The following CSMD3 variants were observed in gnomAD, a reference collection of about 807,000 sequenced individuals.
The protein encoded by CSMD3 is CUB and sushi domain-containing protein 3.
A neutral mutation model predicts 435.2 loss-of-function variants in CSMD3; 177 were observed. The observed-to-expected ratio is 0.41, with a 90% CI of 0.36 to 0.46. The LOEUF (loss-of-function observed/expected upper bound fraction) is 0.46, where lower values mean the gene tolerates loss of function less well. Among genes scored for constraint, CSMD3 ranks in the 20% least tolerant of loss-of-function variants. The probability of loss-of-function intolerance (pLI) is 0.34; values close to 1 mark genes in which losing one functional copy is unlikely to be tolerated. For missense variants in CSMD3, 4,265 were observed against 4,504.6 expected, an observed-to-expected ratio of 0.95 and a Z score of 1.52; for synonymous variants, 1,656 against 1,520.5, an observed-to-expected ratio of 1.09 and a Z score of -2.07.
At chr8:112,557,079 C>G (rs1321916633) in intron 24 of CSMD3, 125 bp from the exon 25 acceptor site, 1 of 645,006 alleles carries the variant, frequency 1.6e-6, no homozygotes, top group African/African-American at 1.8e-5. Context: ...ATTGCCCTTA[C>G]CATATTTAAT....
chr8:113,281,583 ATAGT>A (rs764097429), intron 2 of CSMD3, among the ~76,000 whole-genome samples: 3 of 151,900 alleles, frequency 2.0e-5, no homozygotes, highest in Admixed American at 6.6e-5. Flanking sequence ...AAGGCAGCAG[ATAGT>A]TGGTTGGTGA....
At chr8:112,831,482 G>C (rs1371627358) in intron 11 of CSMD3, among the ~76,000 whole-genome samples, 1 of 149,330 alleles carries the variant, frequency 6.7e-6, no homozygotes, top group Non-Finnish European at 1.5e-5. Flanking sequence ...TTCCAAAATT[G>C]TTTTACCAAT....
At chr8:113,302,284 T>A (rs1228955244) in intron 2 of CSMD3, among the ~76,000 whole-genome samples, 3 of 9,244 alleles carry the variant, frequency 3.2e-4, no homozygotes, top group African/African-American at 9.7e-4. Flanking sequence ...ATAATTATAA[T>A]ATATAATATA....
At chr8:113,222,795 T>C (rs868389568) in intron 3 of CSMD3, among the ~76,000 whole-genome samples, 1 of 151,100 alleles carries the variant, frequency 6.6e-6, no homozygotes, top group South Asian at 2.1e-4. Context: ...TTTATAATGA[T>C]TCCCATGGCT....
In CSMD3 at chr8:112,689,928, C is replaced by G. The variant is rs1318264863; in HGVS notation, c.2095G>C (p.Glu699Gln). The G allele has an allele frequency of 6.2e-7, 1 of 1,613,248 alleles. No homozygotes were observed. Among genetic ancestry groups the G allele is most frequent in the Non-Finnish European group, 8.5e-7 (1 of 1,179,520 alleles). Residue 699 changes from glutamate to glutamine, a missense_variant, in exon 14 of 71, where the codon GAG becomes CAG. Physicochemically the swap from Glu to Gln is conservative, Grantham distance 29 (BLOSUM62 2). Around this residue, in one of 3 missense-constraint regions of CSMD3, gnomAD observed 279 missense variants for 369.0 expected, o/e 0.76. Transcript: ENST00000297405. Reference sequence around the variant, plus strand: ...TTCTCTTGACAAACAATGGATTTCTCTCCAATTAATTCAAACCCAAACTGG... The same window carrying G: ...TTCTCTTGACAAACAATGGATTTCTGTCCAATTAATTCAAACCCAAACTGG... The part of the protein sequence containing the change: ...ECQFGFELIG[E>Q]KSIVCQENNQ...
chr8:112,239,863 T>C (rs1252682345), intron 66 of CSMD3, among the ~76,000 whole-genome samples: 3 of 152,068 alleles, frequency 2.0e-5, no homozygotes, highest in Admixed American at 6.6e-5. Flanking sequence ...TTCTACTGTT[T>C]TGGGCGGTTG....
At chr8:112,529,762 A>G (rs1825341798) in intron 27 of CSMD3, among the ~76,000 whole-genome samples, 1 of 152,186 alleles carries the variant, frequency 6.6e-6, no homozygotes, top group South Asian at 2.1e-4. Flanking sequence ...ACATATGCCA[A>G]TGCAGAGCAT....
rs2076094652 is a variant in CSMD3 at position 112,689,924 on chromosome 8, T to G, written c.2099A>C (p.Lys700Thr). 3 of 1,613,212 alleles carry G rather than the reference T, an allele frequency of 1.9e-6. No homozygotes were observed. The highest frequency in any genetic ancestry group is 1.7e-6 in the Non-Finnish European group (2 of 1,179,486). Residue 700 changes from lysine to threonine, a missense_variant, in exon 14 of 71, where the codon AAA becomes ACA. By Grantham distance (78) the Lys-to-Thr change is moderately conservative. Around this residue, in one of 3 missense-constraint regions of CSMD3, gnomAD observed 279 missense variants for 369.0 expected, o/e 0.76. Coordinates refer to ENST00000297405, the MANE Select transcript of CSMD3 (RefSeq NM_198123.2). The stretch of plus-strand genomic sequence containing the variant: ...GTTATTCTCTTGACAAACAATGGAT[T>G]TCTCTCCAATTAATTCAAACCCAAA... ...CQFGFELIGE[K>T]SIVCQENNQW...
chr8:112,974,020 A>T (rs2084756550), intron 7 of CSMD3, among the ~76,000 whole-genome samples: 1 of 151,890 alleles, frequency 6.6e-6, no homozygotes, highest in Admixed American at 6.6e-5. Flanking sequence ...ATTCAAAATC[A>T]CCATTTTGTA....
At chr8:112,566,266 G>T (rs1829057399) in intron 24 of CSMD3, among the ~76,000 whole-genome samples, 1 of 152,004 alleles carries the variant, frequency 6.6e-6, no homozygotes, top group Non-Finnish European at 1.5e-5. Context: ...CCTTGGGTGA[G>T]TAAGGTAACT....
intron 37 of CSMD3, among the ~76,000 whole-genome samples, chr8:112,381,997 C>T (rs922825374): frequency 1.3e-5 from 2 of 151,972 alleles, no homozygotes; most frequent in Non-Finnish European, 2.9e-5. Flanking sequence ...GGTATGGTGG[C>T]TCATGTAATA....
intron 61 of CSMD3, among the ~76,000 whole-genome samples, chr8:112,258,080 G>A (rs747555832): frequency 1.2e-4 from 19 of 152,124 alleles, no homozygotes; most frequent in African/African-American, 2.9e-4. Flanking sequence ...TGAGCCATAC[G>A]CAGAAAACTG....
intron 13 of CSMD3, among the ~76,000 whole-genome samples, chr8:112,704,523 T>C (rs1229019974): frequency 6.6e-6 from 1 of 152,128 alleles, no homozygotes. Context: ...CCAGTCTTCA[T>C]AGGTATGGGA....
At chr8:112,715,758 C>T (rs765853559) in intron 13 of CSMD3, among the ~76,000 whole-genome samples, 3 of 152,240 alleles carry the variant, frequency 2.0e-5, no homozygotes, top group South Asian at 2.1e-4. Context: ...TGGAATGCAA[C>T]GCTGGTTCAA....
intron 22 of CSMD3, among the ~76,000 whole-genome samples, chr8:112,635,256 C>T (rs1461758741): frequency 2.0e-5 from 3 of 151,880 alleles, no homozygotes; most frequent in Admixed American, 6.6e-5. Flanking sequence ...TCTTTTAATC[C>T]TCATAACTAA....
At chr8:112,694,539 C>T (rs544132904) in intron 13 of CSMD3, among the ~76,000 whole-genome samples, 1 of 152,138 alleles carries the variant, frequency 6.6e-6, no homozygotes, top group South Asian at 2.1e-4. Context: ...TAATACAACA[C>T]TCTTTAAAAT....
chr8:113,318,940 T>G (rs970872209), intron 1 of CSMD3, among the ~76,000 whole-genome samples: 9 of 151,978 alleles, frequency 5.9e-5, no homozygotes, highest in African/African-American at 2.2e-4. Flanking sequence ...TCTTTATCAA[T>G]TTATCTCTCA....
At chr8:112,444,922 C>T (rs915281801) in intron 32 of CSMD3, among the ~76,000 whole-genome samples, 1 of 152,026 alleles carries the variant, frequency 6.6e-6, no homozygotes, top group Non-Finnish European at 1.5e-5. Context: ...TAGTAAGATT[C>T]GTTTTAACAA....
intron 13 of CSMD3, among the ~76,000 whole-genome samples, chr8:112,727,198 A>T (rs1466268953): frequency 6.6e-6 from 1 of 151,804 alleles, no homozygotes; most frequent in African/African-American, 2.4e-5. Context: ...AACATTTCAT[A>T]TATTGTGTTA....
Sources: gnomAD v4.1 joint callset for allele counts (sites outside exome capture counted in the v4.1 genomes callset) on GRCh38, gnomAD v4.1.1 for gene constraint, gnomAD v4.1.1 regional missense constraint, MANE v1.5 for transcripts, NCBI Gene and HGNC (gene_info 2026-07-23, HGNC 2026-07-21) for gene names.